AGAP1: variants seen among roughly 807,000 people sequenced by gnomAD.
The protein encoded by AGAP1 is arf-GAP with GTPase, ANK repeat and PH domain-containing protein 1.
AGAP1 carries 29 observed loss-of-function variants against 105.3 expected under a neutral mutation model. That is an observed-to-expected ratio of 0.28 (90% CI 0.21 to 0.38). AGAP1 has a LOEUF of 0.38. AGAP1 is among the 10% of genes least tolerant of loss of function. The pLI is 1.00. For synonymous variants in AGAP1, 509 were observed against 485.9 expected, an observed-to-expected ratio of 1.05 and a Z score of -0.63; for missense variants, 998 against 1,165.1, an observed-to-expected ratio of 0.86 and a Z score of 2.09.
At position 235,908,774 on chromosome 2, in the gene AGAP1, C is replaced by CAGA; in HGVS notation, c.1192_1193insAGA (p.Leu398delinsGlnIle). 1.2e-6 allele frequency: 2 copies of CAGA among 1,613,336 alleles called. No individual in the cohort carries two copies. Among genetic ancestry groups the CAGA allele is most frequent in the Non-Finnish European group, 8.5e-7 (1 of 1,179,804 alleles). ...GAATGTTCATGGTAAGGAGATTGACCTTCTGAGAACCACTGTGAAAGTCCC... is the reference window on the plus strand; with the variant it reads ...GAATGTTCATGGTAAGGAGATTGACCAGATTCTGAGAACCACTGTGAAAGTCCC... On this transcript the variant is annotated protein_altering_variant, in exon 11 of 18. Transcript: ENST00000304032. This position sits in a 1 kb window ranked among gnomAD's most constrained non-coding sequence, Gnocchi z 4.4.
intron 1 of AGAP1, among the ~76,000 whole-genome samples, chr2:235,572,988 CTT>C (rs1559258311): frequency 1.7e-4 from 4 of 23,828 alleles, no homozygotes; most frequent in Non-Finnish European, 7.8e-5. Context: ...TCTTCTTCTT[CTT>C]CTTCTTCTTC....
rs191182508 is a variant in AGAP1, at chr2:235,612,870, C to T, written c.164-96309C>T. On this transcript the variant is annotated intron_variant, in intron 1 of 17. Coordinates refer to ENST00000304032, the MANE Select transcript of AGAP1 (RefSeq NM_001037131.3). This position sits in a 1 kb window ranked among gnomAD's most constrained non-coding sequence, Gnocchi z 4.3. ...CTGGCTTCTGCTTCCAGTGAGACTC[C>T]GCCCAGGTTATGTTTGTGGCCTTTT... Among the ~76,000 whole-genome samples the T allele has an allele frequency of 3.3e-5, 5 of 152,276 alleles. No individual in the cohort carries two copies. Among genetic ancestry groups the T allele is most frequent in the Admixed American group, 6.5e-5 (1 of 15,298 alleles).
intron 6 of AGAP1, among the ~76,000 whole-genome samples, chr2:235,755,326 T>C (rs1310471661): frequency 6.8e-6 from 1 of 147,218 alleles, no homozygotes; most frequent in Non-Finnish European, 1.5e-5. Flanking sequence ...GCATTAAATT[T>C]TTCAAAAGTC....
At position 235,830,454 on chromosome 2, in the gene AGAP1, T is replaced by C. The variant is rs1180404825; in HGVS notation, c.1050+23123T>C. Among the ~76,000 whole-genome samples the C allele has an allele frequency of 6.6e-6, 1 of 152,184 alleles. No homozygotes were observed. Among genetic ancestry groups the C allele is most frequent in the African/African-American group, 2.4e-5 (1 of 41,440 alleles). ...CAAAGCCGTCAGTTCCATTCATTGT[T>C]TTTCAAAGTATTCATTTCATTAAAC... On this transcript the variant is annotated intron_variant, in intron 9 of 17. Coordinates refer to ENST00000304032, the MANE Select transcript of AGAP1 (RefSeq NM_001037131.3). This position sits in a 1 kb window ranked among gnomAD's most constrained non-coding sequence, Gnocchi z 5.5.
At position 236,114,838 on chromosome 2, in the gene AGAP1, G is replaced by A. The variant is rs1187678945; in HGVS notation, c.2115-5354G>A. Among the ~76,000 whole-genome samples, 1 of 152,160 alleles carries A rather than the reference G, an allele frequency of 6.6e-6. No homozygotes were observed. The highest frequency in any genetic ancestry group is 2.4e-5 in the African/African-American group (1 of 41,440). On this transcript the variant is annotated intron_variant, in intron 16 of 17. Transcript: ENST00000304032. The surrounding 1 kb of genome is among the most constrained non-coding windows in gnomAD (Gnocchi z 5.0). ...ATACGACTCAGCCTCTAACATCCAA[G>A]AAGCCCTTAAACATCTCAAGGCTAT...
Position 235,750,204 on chromosome 2 carries a change from G to A in AGAP1, c.539-150G>A. Reference sequence around the variant, plus strand: ...TCTCTTGTGTTTGAGTCTCTTAGTTGGGAGGCAAACGATGCTCTACAATTC... The same window carrying A: ...TCTCTTGTGTTTGAGTCTCTTAGTTAGGAGGCAAACGATGCTCTACAATTC... On this transcript the variant is annotated intron_variant, in intron 5 of 17. Transcript: ENST00000304032. This position sits in a 1 kb window ranked among gnomAD's most constrained non-coding sequence, Gnocchi z 5.3. The A allele has an allele frequency of 8.9e-7, 1 of 1,128,364 alleles. No homozygotes were observed. The highest frequency in any genetic ancestry group is 1.6e-5 in the African/African-American group (1 of 64,506). The allele number at this position is 1,128,364 out of a possible 1,614,324, so 69.9% of individuals were successfully genotyped here. A position where few individuals can be genotyped will look rare whatever the true frequency, so the allele number is the denominator to read the frequency against.
At chr2:235,761,611 A>G (rs1453454321) in intron 6 of AGAP1, among the ~76,000 whole-genome samples, 1 of 152,168 alleles carries the variant, frequency 6.6e-6, no homozygotes, top group African/African-American at 2.4e-5. Flanking sequence ...ATCTGTTCAT[A>G]ATGCCACGGC....
chr2:235,578,746 C>T lies in AGAP1; in HGVS notation c.163+83897C>T, dbSNP rs1944820637. Among the ~76,000 whole-genome samples the T allele has an allele frequency of 6.7e-6, 1 of 149,526 alleles. No individual in the cohort carries two copies. Among genetic ancestry groups the T allele is most frequent in the African/African-American group, 2.5e-5 (1 of 40,324 alleles). ...GTTGCAGTAAGCCGACATTGTGCCA[C>T]TGCACTCCAGCCTGGGCAATACAGC... On this transcript the variant is annotated intron_variant, in intron 1 of 17. Coordinates refer to ENST00000304032, the MANE Select transcript of AGAP1 (RefSeq NM_001037131.3). This position sits in a 1 kb window ranked among gnomAD's most constrained non-coding sequence, Gnocchi z 4.9.
chr2:235,544,801 A>G (rs1043247903), intron 1 of AGAP1, among the ~76,000 whole-genome samples: 2 of 152,298 alleles, frequency 1.3e-5, no homozygotes, highest in East Asian at 3.9e-4. Flanking sequence ...TCCTACTGGA[A>G]TGTTGACTTG....
At chr2:235,697,914 T>G (rs1196471276) in intron 1 of AGAP1, among the ~76,000 whole-genome samples, 1 of 152,212 alleles carries the variant, frequency 6.6e-6, no homozygotes, top group African/African-American at 2.4e-5. Context: ...TTGTCTTAAC[T>G]TCAGCAAATA....
Position 235,734,528 on chromosome 2 carries a change from A to C in AGAP1, c.311-6435A>C, listed in dbSNP as rs1319529131. Among the ~76,000 whole-genome samples the C allele has an allele frequency of 7.4e-6, 1 of 135,356 alleles. No individual in the cohort carries two copies. Among genetic ancestry groups the C allele is most frequent in the Non-Finnish European group, 1.5e-5 (1 of 66,352 alleles). 88.8% of individuals were successfully genotyped at this position (135,356 alleles called of 152,430 possible). On this transcript the variant is annotated intron_variant, in intron 3 of 17. Coordinates refer to ENST00000304032, the MANE Select transcript of AGAP1 (RefSeq NM_001037131.3). This position sits in a 1 kb window ranked among gnomAD's most constrained non-coding sequence, Gnocchi z 5.3. ...ATTTTCATCCTTAGCTCAGGCATGA[A>C]AAAAAAAAAAAGAATAGTAAAAATT... is the stretch of plus-strand genomic sequence containing the variant.
intron 11 of AGAP1, among the ~76,000 whole-genome samples, chr2:235,911,294 A>G (rs1201573816): frequency 2.0e-5 from 3 of 152,148 alleles, no homozygotes; most frequent in African/African-American, 7.2e-5. Context: ...TGGAGGCCAC[A>G]CGGAGCCACA....
At chr2:235,565,439 A>C (rs1039213241) in intron 1 of AGAP1, among the ~76,000 whole-genome samples, 1 of 152,238 alleles carries the variant, frequency 6.6e-6, no homozygotes, top group South Asian at 2.1e-4. Flanking sequence ...TCTCATCTGC[A>C]TTGTTGCCTG....
rs1283105147 is a variant in AGAP1 at position 235,753,331 on chromosome 2, T to A, written c.673+2843T>A. Among the ~76,000 whole-genome samples the A allele has an allele frequency of 1.3e-5, 2 of 152,226 alleles. No homozygotes were observed. The highest frequency in any genetic ancestry group is 2.9e-5 in the Non-Finnish European group (2 of 68,040). ...CATGTCGCACCTCCCCAGGTGATGC[T>A]GTGATGAGTGTCCGTTTTCATGGGC... is the stretch of plus-strand genomic sequence containing the variant. On this transcript the variant is annotated intron_variant, in intron 6 of 17. Transcript: ENST00000304032. This position sits in a 1 kb window ranked among gnomAD's most constrained non-coding sequence, Gnocchi z 4.5.
chr2:235,784,725 A>G (rs1011481893), intron 6 of AGAP1, among the ~76,000 whole-genome samples: 38 of 152,158 alleles, frequency 2.5e-4, no homozygotes, highest in Middle Eastern at 3.4e-3. Flanking sequence ...AGATCGTTTT[A>G]AAAATGTTTA....
At chr2:235,823,248 T>C (rs1431361343) in intron 9 of AGAP1, among the ~76,000 whole-genome samples, 1 of 152,166 alleles carries the variant, frequency 6.6e-6, no homozygotes. Context: ...AATCTATAAT[T>C]CTATAGATTA....
At chr2:235,718,959 A>G (rs920225066) in intron 3 of AGAP1, among the ~76,000 whole-genome samples, 1 of 152,140 alleles carries the variant, frequency 6.6e-6, no homozygotes, top group Admixed American at 6.5e-5. Flanking sequence ...CGGAATATGA[A>G]TTTTAGCCAC....
Position 236,090,475 on chromosome 2 carries a change from G to A in AGAP1, c.2115-29717G>A, listed in dbSNP as rs2059030053. Reference sequence around the variant, plus strand: ...TTATCTTTTTAAATAATTTCCAAATGTGCCCCAAAGAGACTGTGAAGGGAG... The same window carrying A: ...TTATCTTTTTAAATAATTTCCAAATATGCCCCAAAGAGACTGTGAAGGGAG... On this transcript the variant is annotated intron_variant, in intron 16 of 17. Transcript: ENST00000304032. The surrounding 1 kb of genome is among the most constrained non-coding windows in gnomAD (Gnocchi z 4.3). Among the ~76,000 whole-genome samples, 1 of 152,104 alleles carries A rather than the reference G, an allele frequency of 6.6e-6. No homozygotes were observed. The highest frequency in any genetic ancestry group is 2.4e-5 in the African/African-American group (1 of 41,418).
At chr2:236,015,837 T>C (rs1220028382) in intron 13 of AGAP1, among the ~76,000 whole-genome samples, 1 of 152,238 alleles carries the variant, frequency 6.6e-6, no homozygotes, top group Non-Finnish European at 1.5e-5. Flanking sequence ...GTCACTGTTT[T>C]CTGGGCTGTT....
Sources: gnomAD v4.1 joint callset for allele counts (sites outside exome capture counted in the v4.1 genomes callset) on GRCh38, gnomAD v4.1.1 for gene constraint, Gnocchi (gnomAD v3.1) non-coding constraint, MANE v1.5 for transcripts, NCBI Gene and HGNC (gene_info 2026-07-23, HGNC 2026-07-21) for gene names.